The following NYAP2 variants were observed in gnomAD, a reference collection of about 807,000 sequenced individuals.
The protein encoded by NYAP2 is neuronal tyrosine-phosphorylated phosphoinositide-3-kinase adaptor 2.
Under a neutral mutation model 50.4 loss-of-function variants are expected in NYAP2, and 23 were observed. The observed-to-expected ratio is 0.46, with a 90% CI of 0.33 to 0.65. NYAP2 has a LOEUF of 0.65. Ranked by LOEUF, NYAP2 falls within the 30% of genes least tolerant of loss-of-function variation. NYAP2 has a pLI of 0.02. For missense variants in NYAP2, 885 were observed against 861.0 expected (o/e 1.03, Z -0.35); for synonymous variants, 394 against 365.2 (o/e 1.08, Z -0.90).
At chr2:225,464,281 T>G (rs990515309) in intron 3 of NYAP2, among the ~76,000 whole-genome samples, 1 of 152,176 alleles carries the variant, frequency 6.6e-6, no homozygotes, top group African/African-American at 2.4e-5. Context: ...CCTCTCCCTC[T>G]GCTCAATTGC....
chr2:225,471,480 A>G lies in NYAP2; in HGVS notation c.222-41891A>G, dbSNP rs889006517. On this transcript the variant is annotated intron_variant, in intron 3 of 6. Coordinates refer to ENST00000636099, the Ensembl canonical transcript of NYAP2. The stretch of plus-strand genomic sequence containing the variant: ...CAAGAAAATATTGAGGCACAGGTAT[A>G]TTTAAACATAATTTTAAATGACTTA... 3.2e-4 allele frequency among the ~76,000 whole-genome samples: 48 copies of G among 152,228 alleles called. 1 individual carries two copies. Among genetic ancestry groups the G allele is most frequent in the Admixed American group, 1.6e-3 (24 of 15,288 alleles).
chr2:225,504,265 G>A (rs1197851937), intron 3 of NYAP2, among the ~76,000 whole-genome samples: 1 of 152,128 alleles, frequency 6.6e-6, no homozygotes, highest in African/African-American at 2.4e-5. Context: ...TTTTCTCTGT[G>A]TCCTCACACC....
intron 4 of NYAP2, among the ~76,000 whole-genome samples, chr2:225,547,297 A>G (rs926889323): frequency 6.6e-6 from 1 of 151,886 alleles, no homozygotes; most frequent in African/African-American, 2.4e-5. Context: ...TGGCATAAGC[A>G]CCCCCTTGGA....
Position 225,451,492 on chromosome 2 carries a change from A to ATT in NYAP2, c.221+42392_221+42393dup, listed in dbSNP as rs539076999. 2.6e-3 allele frequency among the ~76,000 whole-genome samples: 394 copies of ATT among 152,284 alleles called. 1 individual carries two copies. Among genetic ancestry groups the ATT allele is most frequent in the African/African-American group, 8.9e-3 (368 of 41,568 alleles). ...ATCTGGCACAATGCCATCACTACTT[A>ATT]TTATATATATATATATCAGGATGAA... On this transcript the variant is annotated intron_variant, in intron 3 of 6. Coordinates refer to ENST00000636099, the Ensembl canonical transcript of NYAP2.
rs1038950768 is a variant in NYAP2, at chr2:225,413,751, G to A, written c.221+4650G>A. 2.6e-5 allele frequency among the ~76,000 whole-genome samples: 4 copies of A among 152,232 alleles called. No individual in the cohort carries two copies. The South Asian group carries it at 8.3e-4, about 32-fold the overall frequency. On this transcript the variant is annotated intron_variant, in intron 3 of 6. Coordinates refer to ENST00000636099, the Ensembl canonical transcript of NYAP2. ...TTACATTGAGTAGAGAGAATTCAAT[G>A]AGGCTTTAATAAACATAGTCTAATT...
In NYAP2 at chr2:225,489,725, C is replaced by T. The variant is rs188908551; in HGVS notation, c.222-23646C>T. On this transcript the variant is annotated intron_variant, in intron 3 of 6. Coordinates refer to ENST00000636099, the Ensembl canonical transcript of NYAP2. ...CAGCAGGGTATCCTCCTTCTGAAAACGGGGGTTGAACTCACACAGTGCAAG... is the reference window on the plus strand; with the variant it reads ...CAGCAGGGTATCCTCCTTCTGAAAATGGGGGTTGAACTCACACAGTGCAAG... 1.8e-4 allele frequency among the ~76,000 whole-genome samples: 27 copies of T among 152,214 alleles called. 1 individual carries two copies. The East Asian group carries it at 2.7e-3, about 15-fold the overall frequency.
intron 5 of NYAP2, among the ~76,000 whole-genome samples, chr2:225,599,563 G>A (rs1165199946): frequency 6.6e-6 from 1 of 152,222 alleles, no homozygotes. Context: ...CTAAAGTGCA[G>A]CCACAGACCT....
At chr2:225,651,005 T>G (rs1194043191) in intron 6 of NYAP2, among the ~76,000 whole-genome samples, 1 of 152,206 alleles carries the variant, frequency 6.6e-6, no homozygotes, top group Non-Finnish European at 1.5e-5. Flanking sequence ...GATGATAGTA[T>G]TCATGGAAGG....
Position 225,608,508 on chromosome 2 carries a change from G to A in NYAP2, c.1619-18409G>A, listed in dbSNP as rs532706569. On this transcript the variant is annotated intron_variant, in intron 5 of 6. Coordinates refer to ENST00000636099, the Ensembl canonical transcript of NYAP2. ...GCCTGCCACTTAAAACATTCAATTTGTTACTTCTTTTCTATGTAAATTCAG... is the reference window on the plus strand; with the variant it reads ...GCCTGCCACTTAAAACATTCAATTTATTACTTCTTTTCTATGTAAATTCAG... Among the ~76,000 whole-genome samples the A allele has an allele frequency of 2.0e-5, 3 of 152,114 alleles. No homozygotes were observed. In the East Asian group the frequency reaches 5.8e-4, roughly 29 times the overall value.
chr2:225,413,451 G>T (rs1695078395), intron 3 of NYAP2, among the ~76,000 whole-genome samples: 1 of 152,098 alleles, frequency 6.6e-6, no homozygotes, highest in Admixed American at 6.6e-5. Flanking sequence ...CAGTACTCAT[G>T]GTAATGTCCA....
chr2:225,473,813 G>A (rs549783769), intron 3 of NYAP2, among the ~76,000 whole-genome samples: 9 of 152,166 alleles, frequency 5.9e-5, no homozygotes, highest in African/African-American at 1.4e-4. Flanking sequence ...CTTTAGTTTA[G>A]TTAGATCCCA....
the NYAP2 span, chr2:225,698,826 C>T: frequency 6.6e-6 from 1 of 151,862 alleles, no homozygotes; most frequent in African/African-American, 2.4e-5. Context: ...ATATAAATTA[C>T]AGAAATATCA....
rs755609110 is a variant in NYAP2, at chr2:225,436,739, CAAAAAAA to C, written c.221+27652_221+27658del. Among the ~76,000 whole-genome samples the C allele has an allele frequency of 1.9e-4, 21 of 109,420 alleles. No individual in the cohort carries two copies. The South Asian group carries it at 2.3e-3, about 12-fold the overall frequency. 71.8% of individuals were successfully genotyped at this position (109,420 alleles called of 152,430 possible). On this transcript the variant is annotated intron_variant, in intron 3 of 6. Coordinates refer to ENST00000636099, the Ensembl canonical transcript of NYAP2. ...CTCTGATAGTTTTCTTCTGTATAGT[CAAAAAAA>C]AAAAAAAAAAAAAGAGAGAAGAAGA...
At chr2:225,472,602 C>G (rs1006085774) in intron 3 of NYAP2, among the ~76,000 whole-genome samples, 1 of 152,134 alleles carries the variant, frequency 6.6e-6, no homozygotes, top group Admixed American at 6.5e-5. Context: ...GACCAATTTT[C>G]AAGATATGCT....
At chr2:225,675,560 T>A in the NYAP2 span, among the ~76,000 whole-genome samples, 92,387 of 152,028 alleles carry the variant, frequency 0.61, 29,658 homozygotes, top group South Asian at 0.82. Context: ...TTATGGGCAC[T>A]TAGGTTGATT....
chr2:225,679,493 G>GTT, the NYAP2 span, among the ~76,000 whole-genome samples: 4,242 of 103,802 alleles, frequency 0.041, 369 homozygotes, highest in East Asian at 0.11. Flanking sequence ...GCTTCTAATT[G>GTT]TTTTTTTTTT....
At chr2:225,695,291 A>G in the NYAP2 span, among the ~76,000 whole-genome samples, 1 of 151,832 alleles carries the variant, frequency 6.6e-6, no homozygotes, top group African/African-American at 2.4e-5. Context: ...ATGCCAAAAT[A>G]TATTAAAGGG....
chr2:225,514,747 G>C (rs1001982248), intron 4 of NYAP2, among the ~76,000 whole-genome samples: 2 of 152,084 alleles, frequency 1.3e-5, no homozygotes, highest in Non-Finnish European at 2.9e-5. Flanking sequence ...ACACTTCAAG[G>C]TTCCCAATGC....
the NYAP2 span, among the ~76,000 whole-genome samples, chr2:225,673,931 A>G: frequency 0.6 from 91,599 of 151,918 alleles, 29,147 homozygotes; most frequent in South Asian, 0.82. Context: ...GGGTACAATG[A>G]CAAAGCAGGC....
Sources: gnomAD v4.1 joint callset for allele counts (sites outside exome capture counted in the v4.1 genomes callset) on GRCh38, gnomAD v4.1.1 for gene constraint, MANE v1.5 for transcripts, NCBI Gene and HGNC (gene_info 2026-07-23, HGNC 2026-07-21) for gene names.